LIN7A: variants seen among roughly 807,000 people sequenced by gnomAD.
The protein encoded by LIN7A is protein lin-7 homolog A.
Under a neutral mutation model 29.8 loss-of-function variants are expected in LIN7A, and 25 were observed. The ratio of observed to expected loss-of-function variants is 0.84; its 90% CI spans 0.61 to 1.17. The LOEUF (loss-of-function observed/expected upper bound fraction) is 1.17. LIN7A is among the 50% of genes most tolerant of loss of function. The probability of loss-of-function intolerance (pLI) is 0.00; values close to 1 mark genes in which losing one functional copy is unlikely to be tolerated. For missense variants in LIN7A, 239 were observed against 287.0 expected (o/e 0.83, Z 1.21); for synonymous variants, 118 against 107.5 (o/e 1.10, Z -0.60).
At chr12:80,820,149 C>G (rs1045312979) in intron 4 of LIN7A, among the ~76,000 whole-genome samples, 2 of 152,092 alleles carry the variant, frequency 1.3e-5, no homozygotes, top group African/African-American at 4.8e-5. Flanking sequence ...TCAACAATGT[C>G]GCGCTCTGTT....
intron 2 of LIN7A, among the ~76,000 whole-genome samples, chr12:80,864,447 G>GA (rs1184562312): frequency 6.6e-6 from 1 of 151,680 alleles, no homozygotes. Context: ...TTTTTGTTTT[G>GA]AAAAATGATT....
intron 4 of LIN7A, among the ~76,000 whole-genome samples, chr12:80,815,997 C>T (rs1871512167): frequency 1.3e-5 from 2 of 152,282 alleles, no homozygotes; most frequent in African/African-American, 2.4e-5. Flanking sequence ...TATGCCTAGG[C>T]TGGCCATGAG....
At chr12:80,835,713 C>T (rs1195874812) in intron 4 of LIN7A, among the ~76,000 whole-genome samples, 1 of 152,090 alleles carries the variant, frequency 6.6e-6, no homozygotes, top group East Asian at 1.9e-4. Flanking sequence ...AAAGATATTG[C>T]TATTTTTGCT....
intron 4 of LIN7A, among the ~76,000 whole-genome samples, chr12:80,830,810 T>C (rs1198126447): frequency 6.6e-6 from 1 of 152,174 alleles, no homozygotes; most frequent in Non-Finnish European, 1.5e-5. Context: ...TTTCCTCTGA[T>C]GGTCACAGGA....
intron 1 of LIN7A, among the ~76,000 whole-genome samples, chr12:80,909,071 ACT>A (rs1220953272): frequency 6.6e-6 from 1 of 151,850 alleles, no homozygotes; most frequent in Admixed American, 6.6e-5. Context: ...ATTTTCTTAT[ACT>A]CTCTATTTTA....
At chr12:80,849,191 G>A (rs1047218357) in intron 2 of LIN7A, among the ~76,000 whole-genome samples, 6 of 152,042 alleles carry the variant, frequency 3.9e-5, no homozygotes, top group African/African-American at 7.2e-5. Flanking sequence ...AATTTCTATG[G>A]GAAATCTGAA....
intron 2 of LIN7A, among the ~76,000 whole-genome samples, chr12:80,876,850 G>A (rs1191497013): frequency 2.0e-5 from 3 of 152,058 alleles, no homozygotes; most frequent in Admixed American, 6.5e-5. Flanking sequence ...GGCCGGGCGC[G>A]GTGGCTCATG....
intron 4 of LIN7A, chr12:80,832,576 G>A (rs1490731441): frequency 6.3e-6 from 3 of 474,370 alleles, no homozygotes; most frequent in Non-Finnish European, 1.3e-5. Context: ...CTTACCATTT[G>A]AAGGTGGTAG....
intron 4 of LIN7A, among the ~76,000 whole-genome samples, chr12:80,833,364 G>A (rs569754036): frequency 6.9e-4 from 105 of 152,222 alleles, no homozygotes; most frequent in Non-Finnish European, 1.0e-3. Flanking sequence ...TTATAGTCCC[G>A]TTACATCCAA....
chr12:80,870,319 C>T (rs1469938177), intron 2 of LIN7A, among the ~76,000 whole-genome samples: 1 of 152,146 alleles, frequency 6.6e-6, no homozygotes, highest in African/African-American at 2.4e-5. Context: ...AACGACTCCT[C>T]TAAAGTGTGG....
chr12:80,895,128 C>CCTCATAT (rs1457520680), intron 1 of LIN7A, among the ~76,000 whole-genome samples: 3 of 152,140 alleles, frequency 2.0e-5, no homozygotes, highest in Non-Finnish European at 4.4e-5. Context: ...CTGCCGAAAG[C>CCTCATAT]CTCATATTAC....
At chr12:80,893,360 G>A (rs1023017714) in intron 1 of LIN7A, among the ~76,000 whole-genome samples, 3 of 152,148 alleles carry the variant, frequency 2.0e-5, no homozygotes, top group Admixed American at 2.0e-4. Context: ...AAATCTCTAG[G>A]AGTGGAATCT....
At chr12:80,912,475 G>T (rs1236618769) in intron 1 of LIN7A, among the ~76,000 whole-genome samples, 1 of 152,028 alleles carries the variant, frequency 6.6e-6, no homozygotes, top group South Asian at 2.1e-4. Context: ...CAACAATTTG[G>T]GAGGCTGAGG....
chr12:80,930,333 T>C (rs942308628), intron 1 of LIN7A, among the ~76,000 whole-genome samples: 16 of 152,218 alleles, frequency 1.1e-4, no homozygotes, highest in African/African-American at 3.9e-4. Context: ...GTTAGTATAT[T>C]ACTTAGCAAA....
chr12:80,904,043 T>C (rs1876354964), intron 1 of LIN7A, among the ~76,000 whole-genome samples: 1 of 152,128 alleles, frequency 6.6e-6, no homozygotes, highest in African/African-American at 2.4e-5. Flanking sequence ...CTTTTTTCTA[T>C]GTGGGCAAGA....
At chr12:80,905,377 G>T (rs1417534355) in intron 1 of LIN7A, among the ~76,000 whole-genome samples, 1 of 151,910 alleles carries the variant, frequency 6.6e-6, no homozygotes, top group Non-Finnish European at 1.5e-5. Context: ...GTTATACATT[G>T]GTCAGAGAAA....
intron 2 of LIN7A, among the ~76,000 whole-genome samples, chr12:80,883,648 A>G (rs1217234352): frequency 1.3e-5 from 2 of 152,216 alleles, no homozygotes; most frequent in Non-Finnish European, 2.9e-5. Flanking sequence ...ATTATTGGCT[A>G]CCACACACTG....
At chr12:80,881,304 C>A (rs1036572432) in intron 2 of LIN7A, among the ~76,000 whole-genome samples, 1 of 152,090 alleles carries the variant, frequency 6.6e-6, no homozygotes. Context: ...CAAATAAAAT[C>A]AAAGGAAATG....
chr12:80,830,943 T>A (rs1009634826), intron 4 of LIN7A, among the ~76,000 whole-genome samples: 1 of 152,164 alleles, frequency 6.6e-6, no homozygotes, highest in African/African-American at 2.4e-5. Context: ...TGCCATAGCA[T>A]CCCCTAGCCT....
Sources: gnomAD v4.1 joint callset for allele counts (sites outside exome capture counted in the v4.1 genomes callset) on GRCh38, gnomAD v4.1.1 for gene constraint, MANE v1.5 for transcripts, NCBI Gene and HGNC (gene_info 2026-07-23, HGNC 2026-07-21) for gene names.